The following RSPH14 variants were observed in gnomAD, a reference collection of about 807,000 sequenced individuals.
RSPH14 encodes the protein rhabdoid tumor deletion region gene 1.
Under a neutral mutation model 26.7 loss-of-function variants are expected in RSPH14, and 20 were observed. The observed-to-expected ratio is 0.75, with a 90% CI of 0.53 to 1.09. RSPH14 has a LOEUF of 1.09. Among genes scored for constraint, RSPH14 ranks in the 50% least tolerant of loss-of-function variants. The pLI is 0.00. For missense variants in RSPH14, 449 were observed against 457.2 expected, an observed-to-expected ratio of 0.98 and a Z score of 0.16; for synonymous variants, 177 against 189.3, an observed-to-expected ratio of 0.93 and a Z score of 0.53.
At chr22:23,087,264 G>A (rs574066221) in intron 4 of RSPH14, among the ~76,000 whole-genome samples, 16 of 152,158 alleles carry the variant, frequency 1.1e-4, no homozygotes, top group East Asian at 3.9e-4. Flanking sequence ...CCAGGAGTTC[G>A]AGACCAGTCT....
chr22:23,178,892 C>T, the RSPH14 span, among the ~76,000 whole-genome samples: 1 of 152,188 alleles, frequency 6.6e-6, no homozygotes, highest in Non-Finnish European at 1.5e-5. Context: ...TGATGGTTCT[C>T]TAGGGAAGCC....
At chr22:23,098,186 C>T (rs1054350676) in intron 4 of RSPH14, among the ~76,000 whole-genome samples, 5 of 152,370 alleles carry the variant, frequency 3.3e-5, no homozygotes, top group African/African-American at 9.6e-5. Flanking sequence ...CTGCTCTAGC[C>T]GTGGTCAGCT....
At chr22:23,123,401 G>A (rs993117548) in intron 4 of RSPH14, 5 of 1,613,722 alleles carry the variant, frequency 3.1e-6, no homozygotes, top group Admixed American at 1.7e-5. Flanking sequence ...TCATCATACA[G>A]AACAATCTCA....
intron 4 of RSPH14, among the ~76,000 whole-genome samples, chr22:23,107,616 G>C (rs1010304724): frequency 7.2e-5 from 11 of 152,100 alleles, no homozygotes; most frequent in African/African-American, 2.4e-4. Flanking sequence ...CAGAAGCTGG[G>C]GCGGGAGCAG....
At chr22:23,162,694 CCA>C in the RSPH14 span, 1 of 456,150 alleles carries the variant, frequency 2.2e-6, no homozygotes, top group Non-Finnish European at 4.4e-6. Context: ...CTGGCTATGC[CCA>C]CTCATCCCAC....
intron 4 of RSPH14, among the ~76,000 whole-genome samples, chr22:23,079,275 G>A (rs898585352): frequency 5.3e-5 from 8 of 152,360 alleles, no homozygotes; most frequent in East Asian, 1.9e-4. Flanking sequence ...AAATAGGATG[G>A]GCAGGGAGGC....
chr22:23,115,819 T>C (rs1323918992), intron 4 of RSPH14, among the ~76,000 whole-genome samples: 1 of 152,246 alleles, frequency 6.6e-6, no homozygotes, highest in African/African-American at 2.4e-5. Flanking sequence ...GATTGCTCAC[T>C]TCAGGAAATT....
the RSPH14 span, chr22:23,152,676 G>C: frequency 1.3e-6 from 1 of 780,676 alleles, no homozygotes; most frequent in East Asian, 2.7e-5. Context: ...CGGATAAGAG[G>C]GGGTGCAAGA....
chr22:23,060,801 C>T (rs929366230), intron 6 of RSPH14, among the ~76,000 whole-genome samples: 4 of 152,168 alleles, frequency 2.6e-5, no homozygotes, highest in East Asian at 1.9e-4. Flanking sequence ...GGGCCTGGCA[C>T]GTGGCAGGGG....
intron 4 of RSPH14, among the ~76,000 whole-genome samples, chr22:23,090,435 C>T (rs974125342): frequency 6.6e-6 from 1 of 152,160 alleles, no homozygotes; most frequent in Non-Finnish European, 1.5e-5. Flanking sequence ...CATCCAGGAG[C>T]CTCCTCTGGT....
At chr22:23,132,345 A>G (rs1345660345) in intron 4 of RSPH14, among the ~76,000 whole-genome samples, 1 of 152,110 alleles carries the variant, frequency 6.6e-6, no homozygotes, top group Non-Finnish European at 1.5e-5. Context: ...TCATTGCATC[A>G]TGCGACCAGG....
intron 4 of RSPH14, among the ~76,000 whole-genome samples, chr22:23,130,496 A>AAGAAGGAAAGAAAGAAAG (rs67156030): frequency 4.5e-5 from 5 of 110,692 alleles, no homozygotes; most frequent in African/African-American, 1.4e-4. Context: ...GAAGGAAAGA[A>AAGAAGGAAAGAAAGAAAG]AAAGAAAGAA....
chr22:23,086,750 G>A (rs905928657), intron 4 of RSPH14, among the ~76,000 whole-genome samples: 1 of 152,260 alleles, frequency 6.6e-6, no homozygotes, highest in African/African-American at 2.4e-5. Context: ...GGGAAATGCA[G>A]TCATGGGGCT....
chr22:23,104,030 G>A (rs1239068563), intron 4 of RSPH14, among the ~76,000 whole-genome samples: 1 of 152,146 alleles, frequency 6.6e-6, no homozygotes, highest in Non-Finnish European at 1.5e-5. Flanking sequence ...CTAGACGTTG[G>A]GAGCAGGCCT....
chr22:23,092,560 A>G (rs1449686720), intron 4 of RSPH14, among the ~76,000 whole-genome samples: 4 of 152,156 alleles, frequency 2.6e-5, no homozygotes, highest in Non-Finnish European at 5.9e-5. Flanking sequence ...GCCCTGATGC[A>G]TGTGATTGCT....
In RSPH14 at chr22:23,140,484, C is replaced by A; in HGVS notation, c.-52-12G>T. 3 of 1,562,768 alleles carry A rather than the reference C, an allele frequency of 1.9e-6. No individual in the cohort carries two copies. The highest frequency in any genetic ancestry group is 2.0e-5 in the Admixed American group (1 of 50,744). On this transcript the variant is annotated splice_polypyrimidine_tract_variant and intron_variant, in intron 1 of 6. Coordinates refer to ENST00000216036, the MANE Select transcript of RSPH14 (RefSeq NM_014433.3). ...GCAGAAACCACTCACTAAAAGAGAC[C>A]AAAAAGCTGTCATTATTTCTATTAT...
At chr22:23,098,840 G>T (rs1206942633) in intron 4 of RSPH14, among the ~76,000 whole-genome samples, 2 of 152,244 alleles carry the variant, frequency 1.3e-5, no homozygotes, top group Non-Finnish European at 2.9e-5. Context: ...TGCCGGCAGT[G>T]AGGACAGCCC....
chr22:23,177,037 C>T, the RSPH14 span, among the ~76,000 whole-genome samples: 4 of 152,238 alleles, frequency 2.6e-5, no homozygotes, highest in East Asian at 7.7e-4. Flanking sequence ...GGTCTAGAAC[C>T]TTTGAGCAGC....
the RSPH14 span, among the ~76,000 whole-genome samples, chr22:23,172,345 G>A: frequency 2.0e-5 from 3 of 151,156 alleles, no homozygotes; most frequent in African/African-American, 7.3e-5. Flanking sequence ...GAATCCGGGA[G>A]GTGGAGGTTG....
Sources: allele counts gnomAD v4.1 joint callset (sites outside exome capture counted in the v4.1 genomes callset), GRCh38; gene constraint gnomAD v4.1.1; transcripts MANE v1.5; gene names NCBI Gene and HGNC (gene_info 2026-07-23, HGNC 2026-07-21).